The following MINAR1 variants were observed in gnomAD, a reference collection of about 807,000 sequenced individuals.
The protein encoded by MINAR1 is major intrinsically disordered Notch2-binding receptor 1.
A neutral mutation model predicts 65.1 loss-of-function variants in MINAR1; 40 were observed. That is an observed-to-expected ratio of 0.61 (90% CI 0.48 to 0.80). The LOEUF is 0.80. Among genes scored for constraint, MINAR1 ranks in the 30% least tolerant of loss-of-function variants. MINAR1 has a pLI of 0.00. For synonymous variants in MINAR1, 482 were observed against 449.1 expected (o/e 1.07, Z -0.93); for missense variants, 1,128 against 1,148.0 (o/e 0.98, Z 0.25).
At chr15:79,433,407 C>G (rs1894507909) in intron 1 of MINAR1, among the ~76,000 whole-genome samples, 1 of 152,110 alleles carries the variant, frequency 6.6e-6, no homozygotes, top group South Asian at 2.1e-4. Context: ...CTTAATTCAG[C>G]GGGAATTAAG....
intron 1 of MINAR1, among the ~76,000 whole-genome samples, chr15:79,446,679 TTA>T (rs1174254296): frequency 6.6e-6 from 1 of 152,188 alleles, no homozygotes; most frequent in African/African-American, 2.4e-5. Context: ...AGTTCATTAT[TTA>T]TATGTCTTAT....
At chr15:79,451,800 G>A (rs985848168) in intron 1 of MINAR1, among the ~76,000 whole-genome samples, 1 of 152,194 alleles carries the variant, frequency 6.6e-6, no homozygotes, top group Non-Finnish European at 1.5e-5. Context: ...GGCTGTGTTT[G>A]CAGGTCTTGT....
At chr15:79,464,941 T>G (rs773960946) in intron 3 of MINAR1, among the ~76,000 whole-genome samples, 3 of 152,210 alleles carry the variant, frequency 2.0e-5, no homozygotes, top group Non-Finnish European at 4.4e-5. Context: ...TGGATGACCT[T>G]GAAAGAGTTA....
chr15:79,463,946 C>G (rs1895745261), intron 3 of MINAR1, among the ~76,000 whole-genome samples: 1 of 152,212 alleles, frequency 6.6e-6, no homozygotes. Context: ...GCACCCTGTC[C>G]CCCTACCTGT....
At chr15:79,463,759 A>G in intron 3 of MINAR1, 1 of 458,458 alleles carries the variant, frequency 2.2e-6, no homozygotes, top group Non-Finnish European at 4.4e-6. Flanking sequence ...GAGCAGCCCC[A>G]GGTAAGAGCC....
At position 79,461,347 on chromosome 15, in the gene MINAR1, G is replaced by A. The variant is rs1042980731; in HGVS notation, c.2299-1720G>A. 2.6e-5 allele frequency among the ~76,000 whole-genome samples: 4 copies of A among 152,348 alleles called. No homozygotes were observed. The South Asian group carries it at 8.3e-4, about 32-fold the overall frequency. On this transcript the variant is annotated intron_variant, in intron 2 of 3. Transcript: ENST00000305428. ...AACCTCAGAATTTTAATGAGAAGAT[G>A]AAATGAAGACAATGCATGTTTAGCA...
At chr15:79,426,738 CTA>C in the MINAR1 span, 1 of 152,204 alleles carries the variant, frequency 6.6e-6, no homozygotes, top group African/African-American at 2.4e-5. Context: ...AAGGAAGCTC[CTA>C]GACAGCATAG....
chr15:79,449,045 C>T (rs914103816), intron 1 of MINAR1, among the ~76,000 whole-genome samples: 4 of 152,114 alleles, frequency 2.6e-5, no homozygotes, highest in Non-Finnish European at 5.9e-5. Flanking sequence ...CAAGGTGCCA[C>T]AGGGTAATGG....
intron 1 of MINAR1, among the ~76,000 whole-genome samples, chr15:79,441,849 C>T (rs1016749839): frequency 6.6e-6 from 1 of 152,014 alleles, no homozygotes; most frequent in Non-Finnish European, 1.5e-5. Context: ...TTTTTATTTT[C>T]TTTAGATTTA....
At chr15:79,412,639 A>G in the MINAR1 span, 1 of 152,648 alleles carries the variant, frequency 6.6e-6, no homozygotes, top group African/African-American at 2.4e-5. Flanking sequence ...TGCTGCCTCC[A>G]CTGCTGCTGC....
At chr15:79,442,556 T>A (rs1172732996) in intron 1 of MINAR1, among the ~76,000 whole-genome samples, 2 of 151,014 alleles carry the variant, frequency 1.3e-5, no homozygotes. Flanking sequence ...TTACTTAGTG[T>A]TACCTTTAAC....
intron 1 of MINAR1, among the ~76,000 whole-genome samples, chr15:79,432,849 GC>G (rs1041398862): frequency 2.0e-5 from 3 of 152,198 alleles, no homozygotes; most frequent in Admixed American, 2.0e-4. Context: ...GCAGTTTGGG[GC>G]AAGTTTTCCT....
chr15:79,467,755 A>G (rs968191111), intron 3 of MINAR1, among the ~76,000 whole-genome samples: 16 of 152,218 alleles, frequency 1.1e-4, no homozygotes, highest in African/African-American at 3.9e-4. Flanking sequence ...GAACTGACTC[A>G]GAGTGCTATG....
chr15:79,429,894 G>A (rs1369192611), upstream of MINAR1, among the ~76,000 whole-genome samples: 2 of 152,214 alleles, frequency 1.3e-5, no homozygotes, highest in African/African-American at 4.8e-5. Flanking sequence ...CCCAGAGAGG[G>A]GGGCATAGGA....
the MINAR1 span, chr15:79,424,649 C>T: frequency 6.6e-5 from 10 of 152,186 alleles, no homozygotes; most frequent in Non-Finnish European, 1.2e-4. Flanking sequence ...TGCTGAGCAC[C>T]TATTATGTGC....
At chr15:79,454,133 G>A (rs1373092343) in intron 1 of MINAR1, among the ~76,000 whole-genome samples, 1 of 152,206 alleles carries the variant, frequency 6.6e-6, no homozygotes, top group African/African-American at 2.4e-5. Flanking sequence ...TCCATCAGAC[G>A]GATTGGAAGG....
the MINAR1 span, chr15:79,420,757 G>A: frequency 1.3e-5 from 2 of 152,332 alleles, no homozygotes; most frequent in African/African-American, 4.8e-5. Flanking sequence ...ACACCAAAAG[G>A]CCTACAGGGT....
chr15:79,460,883 C>G (rs1895619085), intron 2 of MINAR1, among the ~76,000 whole-genome samples: 1 of 152,206 alleles, frequency 6.6e-6, no homozygotes, highest in Admixed American at 6.5e-5. Context: ...TTTGGTCACC[C>G]ATTCAGTAAA....
chr15:79,412,527 A>C, the MINAR1 span: 1 of 152,382 alleles, frequency 6.6e-6, no homozygotes, highest in Non-Finnish European at 1.5e-5. Context: ...GGGTGCACGC[A>C]GACCAGCACC....
Sources: allele counts gnomAD v4.1 joint callset (sites outside exome capture counted in the v4.1 genomes callset), GRCh38; gene constraint gnomAD v4.1.1; transcripts MANE v1.5; gene names NCBI Gene and HGNC (gene_info 2026-07-23, HGNC 2026-07-21).